Variants in BACH2 observed in about 807,000 individuals in gnomAD.
BACH2 encodes BACH transcriptional regulator 2.
BACH2 carries 5 observed loss-of-function variants against 61.8 expected under a neutral mutation model. The observed-to-expected ratio is 0.08, with a 90% CI of 0.04 to 0.17. BACH2 has a LOEUF of 0.17. Ranked by LOEUF, BACH2 falls within the 10% of genes least tolerant of loss-of-function variation. The pLI, the probability that BACH2 is intolerant of heterozygous loss-of-function variation, is 1.00. For missense variants in BACH2, 824 were observed against 1,091.1 expected (o/e 0.76, Z 3.45); for synonymous variants, 446 against 440.1 (o/e 1.01, Z -0.17).
Position 89,954,513 on chromosome 6 carries a change from C to T in BACH2, c.244-2651G>A, listed in dbSNP as rs1488327109. Among the ~76,000 whole-genome samples, 6 of 97,010 alleles carry T rather than the reference C, an allele frequency of 6.2e-5. No individual in the cohort carries two copies. The East Asian group carries it at 1.1e-3, about 18-fold the overall frequency. 63.6% of individuals were successfully genotyped at this position (97,010 alleles called of 152,430 possible). A position where few individuals can be genotyped will look rare whatever the true frequency, so the allele number is the denominator to read the frequency against. On this transcript the variant is annotated intron_variant, in intron 6 of 8. Coordinates refer to ENST00000257749, the MANE Select transcript of BACH2 (RefSeq NM_021813.4). ...GTTTTTCTCATACTCCCATCCTTAT[C>T]ACCATTTTTTTTTTTTTTGATGCTG...
chr6:89,967,321 A>G (rs1288142963), intron 6 of BACH2, among the ~76,000 whole-genome samples: 4 of 152,210 alleles, frequency 2.6e-5, no homozygotes, highest in Non-Finnish European at 5.9e-5. Flanking sequence ...GGTTTTTGAC[A>G]AATACCAAGT....
At chr6:89,937,567 T>A (rs1773102993) in intron 8 of BACH2, among the ~76,000 whole-genome samples, 1 of 152,190 alleles carries the variant, frequency 6.6e-6, no homozygotes, top group Non-Finnish European at 1.5e-5. Flanking sequence ...TTTCACTCTA[T>A]CACCCAGGCT....
intron 8 of BACH2, among the ~76,000 whole-genome samples, chr6:89,934,897 G>A (rs536045092): frequency 1.3e-5 from 2 of 152,288 alleles, no homozygotes; most frequent in South Asian, 2.1e-4. Context: ...TGCATGTGCC[G>A]TAACATGAAT....
chr6:90,120,558 A>C (rs1783579439), intron 4 of BACH2, among the ~76,000 whole-genome samples: 1 of 152,222 alleles, frequency 6.6e-6, no homozygotes, highest in African/African-American at 2.4e-5. Context: ...GAGACTTGTC[A>C]TGATCTTAAT....
intron 6 of BACH2, among the ~76,000 whole-genome samples, chr6:89,994,596 A>C (rs1776747509): frequency 6.6e-6 from 1 of 152,204 alleles, no homozygotes; most frequent in African/African-American, 2.4e-5. Flanking sequence ...GGAAGGGACC[A>C]GGAAGCATTG....
chr6:90,156,384 G>A (rs1784997790), intron 4 of BACH2, among the ~76,000 whole-genome samples: 1 of 152,144 alleles, frequency 6.6e-6, no homozygotes, highest in South Asian at 2.1e-4. Flanking sequence ...GCCAAAGTGG[G>A]ACTGTTCCTA....
chr6:90,184,165 GATA>G (rs1768265209), intron 4 of BACH2, among the ~76,000 whole-genome samples: 1 of 152,174 alleles, frequency 6.6e-6, no homozygotes. Context: ...TAGCAAGCCA[GATA>G]ATGATATCAT....
At chr6:90,110,521 T>C (rs1475054584) in intron 4 of BACH2, among the ~76,000 whole-genome samples, 4 of 152,212 alleles carry the variant, frequency 2.6e-5, no homozygotes, top group Non-Finnish European at 4.4e-5. Context: ...AATATCACCA[T>C]CAATCTCGTC....
intron 4 of BACH2, among the ~76,000 whole-genome samples, chr6:90,158,909 C>G (rs565708175): frequency 1.3e-5 from 2 of 152,290 alleles, no homozygotes; most frequent in Admixed American, 1.3e-4. Context: ...AAAATATCAT[C>G]TCTTAATTTG....
chr6:90,007,505 C>G (rs1224704698), intron 6 of BACH2, among the ~76,000 whole-genome samples: 1 of 152,092 alleles, frequency 6.6e-6, no homozygotes, highest in African/African-American at 2.4e-5. Context: ...TTTGGTGGAG[C>G]AGGTGCTTGC....
chr6:90,288,519 C>T (rs1019682944), intron 1 of BACH2, among the ~76,000 whole-genome samples: 4 of 152,060 alleles, frequency 2.6e-5, no homozygotes, highest in African/African-American at 9.7e-5. Context: ...AAGATGACAA[C>T]TTCGGTGTCT....
chr6:90,257,484 T>C (rs1401428522), intron 2 of BACH2, among the ~76,000 whole-genome samples: 2 of 152,294 alleles, frequency 1.3e-5, no homozygotes. Flanking sequence ...TTGTGTACCC[T>C]TTCATATGCC....
intron 4 of BACH2, among the ~76,000 whole-genome samples, chr6:90,125,290 C>G (rs923968279): frequency 1.3e-5 from 2 of 152,200 alleles, no homozygotes; most frequent in Non-Finnish European, 1.5e-5. Context: ...TGTGTATGAT[C>G]ACAGCTCTGG....
At chr6:90,273,359 A>C (rs1442311805) in intron 1 of BACH2, among the ~76,000 whole-genome samples, 1 of 152,132 alleles carries the variant, frequency 6.6e-6, no homozygotes, top group Non-Finnish European at 1.5e-5. Context: ...CTCTGTTTCT[A>C]AAAAAAGTGG....
At chr6:90,082,695 A>G (rs887739438) in intron 5 of BACH2, among the ~76,000 whole-genome samples, 51 of 152,352 alleles carry the variant, frequency 3.3e-4, no homozygotes, top group African/African-American at 1.2e-3. Context: ...CTGCTATTTT[A>G]TAAATTATGT....
chr6:90,043,398 C>T (rs112009190), intron 5 of BACH2, among the ~76,000 whole-genome samples: 14 of 152,154 alleles, frequency 9.2e-5, no homozygotes, highest in East Asian at 3.9e-4. Flanking sequence ...TCATAACCTC[C>T]CTCACCATGT....
intron 5 of BACH2, among the ~76,000 whole-genome samples, chr6:90,014,246 A>G (rs1378031372): frequency 6.7e-6 from 1 of 149,582 alleles, no homozygotes; most frequent in Non-Finnish European, 1.5e-5. Flanking sequence ...ATGAGCTGGG[A>G]AGTATTTCTT....
At chr6:89,999,463 T>G (rs75554374) in intron 6 of BACH2, among the ~76,000 whole-genome samples, 1 of 151,894 alleles carries the variant, frequency 6.6e-6, no homozygotes, top group African/African-American at 2.4e-5. Flanking sequence ...TTTTTTTTTT[T>G]CCAAGGGTGT....
In BACH2 at chr6:90,263,830, C is replaced by T. The variant is rs559804714; in HGVS notation, c.-353+8019G>A. Among the ~76,000 whole-genome samples the T allele has an allele frequency of 3.9e-5, 6 of 152,284 alleles. No homozygotes were observed. In the South Asian group the frequency reaches 1.2e-3, roughly 32 times the overall value. On this transcript the variant is annotated intron_variant, in intron 2 of 8. Transcript: ENST00000257749. Reference sequence around the variant, plus strand: ...ATTTCTGACTGTAATAACTGAAGGTCCCATGTTCTCAAGGTAATGGCACCA... The same window carrying T: ...ATTTCTGACTGTAATAACTGAAGGTTCCATGTTCTCAAGGTAATGGCACCA...
Sources: gnomAD v4.1 joint callset for allele counts (sites outside exome capture counted in the v4.1 genomes callset) on GRCh38, gnomAD v4.1.1 for gene constraint, MANE v1.5 for transcripts, NCBI Gene and HGNC (gene_info 2026-07-23, HGNC 2026-07-21) for gene names.